The following CACNA1E variants were observed in gnomAD, a reference collection of about 807,000 sequenced individuals.
The protein encoded by CACNA1E is voltage-dependent R-type calcium channel subunit alpha-1E.
A neutral mutation model predicts 259.2 loss-of-function variants in CACNA1E; 40 were observed. The observed-to-expected ratio is 0.15, with a 90% confidence interval of 0.12 to 0.20. The LOEUF (loss-of-function observed/expected upper bound fraction) is 0.20. Ranked by LOEUF, CACNA1E falls within the 10% of genes least tolerant of loss-of-function variation. CACNA1E has a pLI of 1.00. For synonymous variants in CACNA1E, 1,104 were observed against 1,138.5 expected (o/e 0.97, Z 0.61); for missense variants, 1,874 against 3,040.1 (o/e 0.62, Z 9.02).
chr1:181,473,547 C>T (rs536910592), intron 2 of CACNA1E, among the ~76,000 whole-genome samples: 1 of 150,592 alleles, frequency 6.6e-6, no homozygotes, highest in Admixed American at 6.6e-5. Flanking sequence ...CCATGCGATT[C>T]AGAGGGCAGG....
intron 1 of CACNA1E, among the ~76,000 whole-genome samples, chr1:181,333,804 T>C (rs555840152): frequency 1.1e-3 from 165 of 152,224 alleles, no homozygotes; most frequent in African/African-American, 3.8e-3. Context: ...TACAGGCATG[T>C]ACCACCACGC....
chr1:181,323,977 A>C (rs921392011), intron 1 of CACNA1E, among the ~76,000 whole-genome samples: 2 of 152,226 alleles, frequency 1.3e-5, no homozygotes, highest in Non-Finnish European at 2.9e-5. Flanking sequence ...CTGGAGAGGA[A>C]GGAGCCTGGG....
chr1:181,484,499 C>T (rs1291904724), intron 1 of CACNA1E, among the ~76,000 whole-genome samples: 3 of 152,182 alleles, frequency 2.0e-5, no homozygotes, highest in Non-Finnish European at 4.4e-5. Context: ...CAGAAGTTCC[C>T]AGGGCCAAAA....
intron 36 of CACNA1E, 45 bp downstream of exon 36, chr1:181,771,429 G>A (rs1659502607): frequency 9.8e-7 from 1 of 1,015,374 alleles, no homozygotes; most frequent in Admixed American, 1.9e-5. Flanking sequence ...TCCTGATGGA[G>A]GGAGAGAGAG....
At chr1:181,478,887 C>T (rs537100245), upstream of CACNA1E, among the ~76,000 whole-genome samples, 1 of 152,340 alleles carries the variant, frequency 6.6e-6, no homozygotes, top group South Asian at 2.1e-4. Flanking sequence ...GTGTGGACAC[C>T]TTGTTTTCTG....
chr1:181,650,434 C>T (rs557901626), intron 6 of CACNA1E, among the ~76,000 whole-genome samples: 11 of 152,194 alleles, frequency 7.2e-5, no homozygotes, highest in African/African-American at 2.4e-4. Context: ...CAAAGCCCTG[C>T]ATATGTGAAA....
chr1:181,441,019 A>T (rs2332288), intron 2 of CACNA1E, among the ~76,000 whole-genome samples: 1 of 126,940 alleles, frequency 7.9e-6, no homozygotes, highest in African/African-American at 3.2e-5. Context: ...AAAAAAAAAA[A>T]GCGCCCAGCT....
At chr1:181,794,293 CTG>C (rs1661592752) in intron 45 of CACNA1E, among the ~76,000 whole-genome samples, 2 of 152,274 alleles carry the variant, frequency 1.3e-5, no homozygotes, top group Non-Finnish European at 2.9e-5. Flanking sequence ...GTTTTAATAT[CTG>C]TGGCAAATCA....
intron 18 of CACNA1E, among the ~76,000 whole-genome samples, chr1:181,729,772 C>T (rs1372584644): frequency 6.6e-6 from 1 of 152,156 alleles, no homozygotes; most frequent in Admixed American, 6.5e-5. Context: ...GTGAGAGAAT[C>T]CTTCCACGTA....
chr1:181,532,595 G>A (rs1436528452), intron 3 of CACNA1E, among the ~76,000 whole-genome samples: 1 of 152,240 alleles, frequency 6.6e-6, no homozygotes, highest in African/African-American at 2.4e-5. Context: ...TTCTCTATGG[G>A]TGTATGACTT....
chr1:181,637,052 T>C (rs1200471788), intron 6 of CACNA1E, among the ~76,000 whole-genome samples: 4 of 152,218 alleles, frequency 2.6e-5, no homozygotes, highest in Non-Finnish European at 5.9e-5. Flanking sequence ...TCCCAATCTT[T>C]GTCTGGGGCT....
At chr1:181,641,012 A>C (rs1468099285) in intron 6 of CACNA1E, among the ~76,000 whole-genome samples, 1 of 152,238 alleles carries the variant, frequency 6.6e-6, no homozygotes, top group Non-Finnish European at 1.5e-5. Flanking sequence ...TAAATGCCTG[A>C]GTGCAGCACT....
At chr1:181,621,385 G>A (rs1476601195) in intron 6 of CACNA1E, among the ~76,000 whole-genome samples, 1 of 152,212 alleles carries the variant, frequency 6.6e-6, no homozygotes, top group African/African-American at 2.4e-5. Context: ...AGAGTGGAGA[G>A]TGTTAAAGGT....
At chr1:181,421,088 G>A (rs1381320587) in intron 2 of CACNA1E, among the ~76,000 whole-genome samples, 2 of 152,196 alleles carry the variant, frequency 1.3e-5, no homozygotes, top group Admixed American at 1.3e-4. Context: ...CAGTATCACA[G>A]AGCCAGTGAG....
chr1:181,400,896 C>G (rs565832022), intron 1 of CACNA1E, among the ~76,000 whole-genome samples: 6 of 152,280 alleles, frequency 3.9e-5, no homozygotes, highest in Non-Finnish European at 8.8e-5. Context: ...CCTGCCTCTT[C>G]CCCTGCTCTC....
intron 6 of CACNA1E, among the ~76,000 whole-genome samples, chr1:181,625,889 A>G (rs1366736102): frequency 6.6e-6 from 1 of 152,192 alleles, no homozygotes; most frequent in Non-Finnish European, 1.5e-5. Context: ...ATTTAAAGTC[A>G]GAGAAGTGTG....
At chr1:181,749,744 T>G (rs1383575007) in intron 25 of CACNA1E, among the ~76,000 whole-genome samples, 1 of 152,260 alleles carries the variant, frequency 6.6e-6, no homozygotes, top group Non-Finnish European at 1.5e-5. Flanking sequence ...TGACTTATTT[T>G]AAATGCCTCA....
chr1:181,716,887 T>G (rs1317619582), intron 10 of CACNA1E, among the ~76,000 whole-genome samples: 1 of 152,190 alleles, frequency 6.6e-6, no homozygotes, highest in Non-Finnish European at 1.5e-5. Context: ...TCTTTCCATT[T>G]CTTAGGACTG....
At chr1:181,521,836 A>G (rs1572092543) in intron 3 of CACNA1E, among the ~76,000 whole-genome samples, 2 of 152,248 alleles carry the variant, frequency 1.3e-5, no homozygotes, top group South Asian at 4.2e-4. Context: ...AGTTCCAGGC[A>G]GAGGGTAGGA....
Sources: allele counts gnomAD v4.1 joint callset (sites outside exome capture counted in the v4.1 genomes callset), GRCh38; gene constraint gnomAD v4.1.1; transcripts MANE v1.5; gene names NCBI Gene and HGNC (gene_info 2026-07-23, HGNC 2026-07-21).